CCDC187: variants seen among roughly 807,000 people sequenced by gnomAD.
CCDC187 encodes the protein coiled-coil domain-containing protein 187.
A neutral mutation model predicts 38.0 loss-of-function variants in CCDC187; 32 were observed. The observed-to-expected ratio is 0.84, with a 90% CI of 0.64 to 1.13. The LOEUF (loss-of-function observed/expected upper bound fraction) is 1.13, where lower values mean the gene tolerates loss of function less well. CCDC187 is among the 50% of genes most tolerant of loss of function. CCDC187 has a pLI of 0.00. For synonymous variants in CCDC187, 333 were observed against 347.9 expected, an observed-to-expected ratio of 0.96 and a Z score of 0.48; for missense variants, 707 against 786.8, an observed-to-expected ratio of 0.90 and a Z score of 1.21.
Position 136,258,906 on chromosome 9 carries a change from C to T in CCDC187, c.4366+26G>A. On this transcript the variant is annotated intron_variant, in intron 22 of 25. Coordinates refer to ENST00000638797, the MANE Select transcript of CCDC187 (RefSeq NM_001378188.1). This position sits in a 1 kb window ranked among gnomAD's most constrained non-coding sequence, Gnocchi z 4.3. ...GGGAAGTGTCTGGCGCCGTGGAGGC[C>T]CACGCGGTGTTTCCAGGGTGCTTAC... The T allele has an allele frequency of 4.1e-6, 4 of 985,522 alleles. No individual in the cohort carries two copies. The highest frequency in any genetic ancestry group is 4.8e-6 in the Non-Finnish European group (4 of 830,022). The allele number at this position is 985,522 out of a possible 1,614,324, so 61.0% of individuals were successfully genotyped here.
rs1022137616 is a variant in CCDC187, at chr9:136,291,609, G to C, written c.1004C>G (p.Pro335Arg). 2.5e-6 allele frequency: 1 copy of C among 398,664 alleles called. No individual in the cohort carries two copies. The highest frequency in any genetic ancestry group is 4.4e-6 in the Non-Finnish European group (1 of 226,152). The allele number at this position is 398,664 out of a possible 1,614,324, so 24.7% of individuals were successfully genotyped here. A position where few individuals can be genotyped will look rare whatever the true frequency, so the allele number is the denominator to read the frequency against. ...SEKVIAAKCS[P>R]VCAQLPDATS... Reference sequence around the variant, plus strand: ...GGCATCGGGCAACTGGGCACAAACCGGTGAGCACTTGGCAGCTATGACTTT... The same window carrying C: ...GGCATCGGGCAACTGGGCACAAACCCGTGAGCACTTGGCAGCTATGACTTT... Residue 335 changes from proline (P) to arginine (R), a missense_variant, in exon 6 of 26, where the codon CCG becomes CGG. Physicochemically the swap from Pro to Arg is moderately radical, Grantham distance 103. Coordinates refer to ENST00000638797, the MANE Select transcript of CCDC187 (RefSeq NM_001378188.1).
At chr9:136,305,016 G>T (rs926094720), upstream of CCDC187, among the ~76,000 whole-genome samples, 4 of 152,222 alleles carry the variant, frequency 2.6e-5, no homozygotes, top group Non-Finnish European at 4.4e-5. Flanking sequence ...ACATAGGCAC[G>T]GGGCCCAGGG....
intron 17 of CCDC187, chr9:136,265,426 T>G (rs1386469170): frequency 6.6e-6 from 1 of 152,248 alleles, no homozygotes; most frequent in Non-Finnish European, 1.5e-5. Flanking sequence ...CCAGCCCCCA[T>G]GCATGTGCAC....
rs1831385441 is a variant in CCDC187 at position 136,293,185 on chromosome 9, TCA to T, written c.833-892_833-891del. On this transcript the variant is annotated intron_variant, in intron 4 of 25. Transcript: ENST00000638797. ...CACACACTCACATGCTCACACACAC[TCA>T]CATGCTCACACACTCACAAACACAT... Among the ~76,000 whole-genome samples, 9 of 72,982 alleles carry T rather than the reference TCA, an allele frequency of 1.2e-4. No individual in the cohort carries two copies. In the East Asian group the frequency reaches 3.2e-3, roughly 26 times the overall value. 47.9% of individuals were successfully genotyped at this position (72,982 alleles called of 152,430 possible).
chr9:136,287,693 C>T (rs1169538961), intron 7 of CCDC187, among the ~76,000 whole-genome samples: 3 of 152,188 alleles, frequency 2.0e-5, no homozygotes, highest in African/African-American at 7.2e-5. Flanking sequence ...GACCAAACCC[C>T]TGGTGTTTCA....
chr9:136,298,345 G>A (rs1831586110), intron 3 of CCDC187, among the ~76,000 whole-genome samples: 1 of 152,208 alleles, frequency 6.6e-6, no homozygotes, highest in South Asian at 2.1e-4. Flanking sequence ...TTGGCACCAT[G>A]GAGTGGACCC....
In CCDC187 at chr9:136,302,959, G is replaced by A. The variant is rs1396442209; in HGVS notation, c.478C>T (p.Arg160Trp). 3.0e-5 allele frequency: 12 copies of A among 398,640 alleles called. No individual in the cohort carries two copies. Among genetic ancestry groups the A allele is most frequent in the East Asian group, 1.8e-4 (5 of 28,086 alleles). The allele number at this position is 398,640 out of a possible 1,614,324, so 24.7% of individuals were successfully genotyped here. Residue 160 changes from arginine to tryptophan, a missense_variant, in exon 2 of 26, where the codon CGG becomes TGG. Arg to Trp is a moderately radical substitution (Grantham distance 101). Transcript: ENST00000638797. ...CTCCCCTGCTGCCACGCCTGGGCCC[G>A]GATCTTGTCTCTCAGCTGCTCCAGC... is the stretch of plus-strand genomic sequence containing the variant. ...ARLEQLRDKI[R>W]AQAWQQGSCA... is the part of the protein sequence containing the mutation.
At chr9:136,293,825 CACACT>C (rs1297350971) in intron 4 of CCDC187, among the ~76,000 whole-genome samples, 2 of 146,070 alleles carry the variant, frequency 1.4e-5, no homozygotes, top group African/African-American at 2.6e-5. Context: ...CTCTCACACT[CACACT>C]ACCACACACT....
intron 17 of CCDC187, among the ~76,000 whole-genome samples, chr9:136,265,321 G>C (rs1472219936): frequency 6.6e-6 from 1 of 152,132 alleles, no homozygotes; most frequent in African/African-American, 2.4e-5. Flanking sequence ...GCTTCCTCCA[G>C]TCCCTGGTGA....
Position 136,293,373 on chromosome 9 carries a change from ACACT to A in CCDC187, c.833-1082_833-1079del, listed in dbSNP as rs1418105273. Among the ~76,000 whole-genome samples the A allele has an allele frequency of 4.9e-3, 687 of 138,904 alleles. 10 individuals carry two copies. Among genetic ancestry groups the A allele is most frequent in the African/African-American group, 9.5e-3 (348 of 36,660 alleles). The allele number at this position is 138,904 out of a possible 152,430, so 91.1% of individuals were successfully genotyped here. ...TGCTCACACACATTCACATGCTCAC[ACACT>A]CACACTCACATGCTCACACACTCAC... On this transcript the variant is annotated intron_variant, in intron 4 of 25. Transcript: ENST00000638797.
intron 1 of CCDC187, 98 bp from the exon 2 acceptor site, chr9:136,303,391 C>G (rs1831738175): frequency 2.6e-6 from 1 of 383,666 alleles, no homozygotes; most frequent in Non-Finnish European, 4.6e-6. Context: ...CATTCCTGCT[C>G]CACAGACTGG....
rs1488972547 is a variant in CCDC187 at position 136,285,569 on chromosome 9, G to T, written c.2871C>A (p.Asp957Glu). ...GGGCCACGCCTCTCTGCAGCCTTTTGTCTGGTTTCACGTCCACGTGTCCCT... is the reference window on the plus strand; with the variant it reads ...GGGCCACGCCTCTCTGCAGCCTTTTTTCTGGTTTCACGTCCACGTGTCCCT... Reference protein sequence around the residue: ...PEEGHVDVKPDKRLQRGVAPF... With the variant: ...PEEGHVDVKPEKRLQRGVAPF... The change falls in exon 9 of 26, where the codon GAC becomes GAA. Residue 957 changes from aspartate to glutamate, a missense_variant. By Grantham distance (45) the Asp-to-Glu change is conservative. Coordinates refer to ENST00000638797, the MANE Select transcript of CCDC187 (RefSeq NM_001378188.1). The T allele has an allele frequency of 2.5e-5, 10 of 401,234 alleles. No homozygotes were observed. Among genetic ancestry groups the T allele is most frequent in the Non-Finnish European group, 3.5e-5 (8 of 227,382 alleles). 24.9% of individuals were successfully genotyped at this position (401,234 alleles called of 1,614,324 possible).
intron 16 of CCDC187, 60 bp from the exon 17 acceptor site, chr9:136,266,103 A>T (rs1470662027): frequency 4.5e-5 from 42 of 933,152 alleles, no homozygotes; most frequent in Non-Finnish European, 5.4e-5. Context: ...GGATATAGAA[A>T]GTCACAGACA....
chr9:136,293,263 T>G (rs1337241981), intron 4 of CCDC187, among the ~76,000 whole-genome samples: 2 of 122,958 alleles, frequency 1.6e-5, no homozygotes, highest in East Asian at 2.3e-4. Context: ...ACACACTCAC[T>G]CATGCTTTCA....
At position 136,290,625 on chromosome 9, in the gene CCDC187, C is replaced by T; in HGVS notation, c.1988G>A (p.Arg663His). Residue 663 changes from arginine to histidine, a missense_variant, in exon 6 of 26, where the codon CGC (arginine) becomes CAC (histidine). Coordinates refer to ENST00000638797, the MANE Select transcript of CCDC187 (RefSeq NM_001378188.1). ...CCTCCGGCTCCTCAGCTCCCGTGTGCGCAGGGCCGAGGCCTTCTCCTCCAG... is the reference window on the plus strand; with the variant it reads ...CCTCCGGCTCCTCAGCTCCCGTGTGTGCAGGGCCGAGGCCTTCTCCTCCAG... ...QALEEKASALRTRELRSRRLQ... is the reference protein window; with the variant it reads ...QALEEKASALHTRELRSRRLQ... 5.0e-6 allele frequency: 2 copies of T among 398,608 alleles called. No homozygotes were observed. The highest frequency in any genetic ancestry group is 3.6e-5 in the East Asian group (1 of 28,072). 24.7% of individuals were successfully genotyped at this position (398,608 alleles called of 1,614,324 possible). A position where few individuals can be genotyped will look rare whatever the true frequency, so the allele number is the denominator to read the frequency against.
upstream of CCDC187, among the ~76,000 whole-genome samples, chr9:136,305,796 C>T (rs1013223629): frequency 1.8e-4 from 28 of 152,348 alleles, no homozygotes; most frequent in Admixed American, 6.5e-4. Context: ...AGCAGAGCAT[C>T]GCGAGGTCCT....
intron 19 of CCDC187, among the ~76,000 whole-genome samples, chr9:136,260,799 G>A (rs1221927529): frequency 6.6e-6 from 1 of 152,214 alleles, no homozygotes; most frequent in Non-Finnish European, 1.5e-5. Context: ...TTCAGAGGAG[G>A]GTGGCCCTAA....
chr9:136,300,043 A>C (rs1009263499), intron 3 of CCDC187, among the ~76,000 whole-genome samples, 177 bp downstream of exon 3: 1 of 152,246 alleles, frequency 6.6e-6, no homozygotes, highest in Non-Finnish European at 1.5e-5. Flanking sequence ...GAGGGTTAGA[A>C]CACAGGCTCC....
At position 136,258,755 on chromosome 9, in the gene CCDC187, C is replaced by T. The variant is rs1004863068; in HGVS notation, c.4366+177G>A. Reference sequence around the variant, plus strand: ...CGTCACCTCCGGTAGGAGATGGAGCCGGCCACTCTTCTTGCAGTGAAGGGG... The same window carrying T: ...CGTCACCTCCGGTAGGAGATGGAGCTGGCCACTCTTCTTGCAGTGAAGGGG... On this transcript the variant is annotated intron_variant, in intron 22 of 25. Transcript: ENST00000638797. The surrounding 1 kb of genome is among the most constrained non-coding windows in gnomAD (Gnocchi z 4.3). 2.5e-5 allele frequency: 25 copies of T among 985,326 alleles called. No homozygotes were observed. Among genetic ancestry groups the T allele is most frequent in the Non-Finnish European group, 2.8e-5 (23 of 829,932 alleles). 61.0% of individuals were successfully genotyped at this position (985,326 alleles called of 1,614,324 possible). A position where few individuals can be genotyped will look rare whatever the true frequency, so the allele number is the denominator to read the frequency against.
Sources: allele counts gnomAD v4.1 joint callset (sites outside exome capture counted in the v4.1 genomes callset), GRCh38; gene constraint gnomAD v4.1.1; non-coding constraint Gnocchi (gnomAD v3.1); transcripts MANE v1.5; gene names NCBI Gene and HGNC (gene_info 2026-07-23, HGNC 2026-07-21).